FANCA: variants seen among roughly 807,000 people sequenced by gnomAD.
FANCA encodes Fanconi anemia group A protein.
In FANCA, 236 loss-of-function variants were observed where a neutral mutation model predicts 194.3. The observed-to-expected ratio is 1.21, with a 90% CI of 1.09 to 1.35. The LOEUF is 1.35. Among genes scored for constraint, FANCA ranks in the 40% most tolerant of loss-of-function variants. The probability of loss-of-function intolerance (pLI) is 0.00; values close to 1 mark genes in which losing one functional copy is unlikely to be tolerated. For synonymous variants in FANCA, 1,014 were observed against 715.8 expected (o/e 1.42, Z -6.65); for missense variants, 2,628 against 1,813.9 (o/e 1.45, Z -8.15).
At position 89,810,818 on chromosome 16, in the gene FANCA, A is replaced by C; in HGVS notation, c.427-16T>G. 6.2e-7 allele frequency: 1 copy of C among 1,612,030 alleles called. No individual in the cohort carries two copies. The highest frequency in any genetic ancestry group is 8.5e-7 in the Non-Finnish European group (1 of 1,178,040). ...ACAGCTTCTTCTGAAAAGAGAGATT[A>C]CATTTTTTAAAAAACAAATTACCTG... On this transcript the variant is annotated splice_polypyrimidine_tract_variant and intron_variant, in intron 4 of 42. Transcript: ENST00000389301.
intron 6 of FANCA, among the ~76,000 whole-genome samples, chr16:89,806,284 T>G (rs985844261): frequency 6.6e-6 from 1 of 151,830 alleles, no homozygotes; most frequent in South Asian, 2.1e-4. Flanking sequence ...CTGCTACTAC[T>G]GGGTAGAGTG....
At position 89,746,651 on chromosome 16, in the gene FANCA, G is replaced by T; in HGVS notation, c.3446C>A (p.Ser1149Tyr). Residue 1149 changes from serine (S) to tyrosine (Y), a missense_variant, in exon 35 of 43, where the codon TCC becomes TAC. Ser to Tyr is a moderately radical substitution (Grantham distance 144, BLOSUM62 -2). Transcript: ENST00000389301. Reference protein sequence around the residue: ...LNACLRSRDPSLMVDFILAKC... With the variant: ...LNACLRSRDPYLMVDFILAKC... ...GGCCAGTATGAAGTCGACCATCAGG[G>T]AGGGGTCTCTGCTCCGCAGACAGGC... 6.2e-7 allele frequency: 1 copy of T among 1,614,168 alleles called. No homozygotes were observed. The highest frequency in any genetic ancestry group is 8.5e-7 in the Non-Finnish European group (1 of 1,180,026).
rs575076425 is a variant in FANCA, at chr16:89,763,557, A to G, written c.2778+1333T>C. Among the ~76,000 whole-genome samples, 13 of 152,266 alleles carry G rather than the reference A, an allele frequency of 8.5e-5. No homozygotes were observed. The South Asian group carries it at 2.1e-3, about 24-fold the overall frequency. On this transcript the variant is annotated intron_variant, in intron 28 of 42. Transcript: ENST00000389301. ...ATCAGTACCAAGGCACACTGGTGAG[A>G]GCAATGCCAGCTCCAGTAACCAGGC...
chr16:89,807,083 T>C (rs1178965209), intron 6 of FANCA, among the ~76,000 whole-genome samples: 1 of 152,212 alleles, frequency 6.6e-6, no homozygotes, highest in African/African-American at 2.4e-5. Context: ...CCTCTAATGA[T>C]TATTGCTGAA....
intron 2 of FANCA, 144 bp downstream of exon 2, chr16:89,815,732 TC>T: frequency 1.4e-6 from 1 of 730,232 alleles, no homozygotes; most frequent in Non-Finnish European, 2.5e-6. Context: ...GGTCCAGAAC[TC>T]CCGGGCTCAG....
intron 8 of FANCA, among the ~76,000 whole-genome samples, chr16:89,800,272 T>G (rs964688953): frequency 6.6e-6 from 1 of 152,240 alleles, no homozygotes; most frequent in African/African-American, 2.4e-5. Context: ...CCTTGATGCC[T>G]CTGGAGCCAG....
At chr16:89,798,243 C>G (rs1364211659) in intron 10 of FANCA, 2 of 714,962 alleles carry the variant, frequency 2.8e-6, no homozygotes, top group East Asian at 1.6e-4. Flanking sequence ...CTAGGGGCAC[C>G]CTGACCTCCA....
intron 29 of FANCA, 71 bp from the exon 30 acceptor site, chr16:89,758,776 T>C: frequency 2.5e-6 from 4 of 1,598,018 alleles, no homozygotes; most frequent in Non-Finnish European, 3.4e-6. Context: ...AACCAGGGAA[T>C]AGGCCCATAG....
At chr16:89,802,710 CTTTTT>C (rs989381683) in intron 8 of FANCA, among the ~76,000 whole-genome samples, 2 of 151,598 alleles carry the variant, frequency 1.3e-5, no homozygotes, top group Non-Finnish European at 2.9e-5. Context: ...GCCAGCTATT[CTTTTT>C]TTTTAAAGTG....
chr16:89,772,927 G>C (rs957061051), intron 22 of FANCA, among the ~76,000 whole-genome samples: 3 of 152,186 alleles, frequency 2.0e-5, no homozygotes, highest in Admixed American at 1.3e-4. Flanking sequence ...ACAGGGCAGA[G>C]ACCCTGTGTG....
In FANCA at chr16:89,816,578, T is replaced by G. The variant is rs1264855885; in HGVS notation, c.38A>C (p.Gln13Pro). The G allele has an allele frequency of 1.3e-6, 2 of 1,524,468 alleles. No homozygotes were observed. Among genetic ancestry groups the G allele is most frequent in the Non-Finnish European group, 1.7e-6 (2 of 1,144,132 alleles). 94.4% of individuals were successfully genotyped at this position (1,524,468 alleles called of 1,614,324 possible). The change falls in exon 1 of 43, where the codon CAG (glutamine) becomes CCG (proline). Residue 13 changes from glutamine (Q) to proline (P), a missense_variant. Gln to Pro is a moderately conservative substitution (Grantham distance 76, BLOSUM62 -1). Transcript: ENST00000389301. ...GGCCCTCCGGCGGCCCCCTGGGTCC[T>G]GGCCCGAGGCGGAGTTCGGGACCCA... The part of the protein sequence containing the change: ...DSWVPNSASG[Q>P]DPGGRRRAWA...
In FANCA at chr16:89,739,109, G is replaced by A. The variant is rs754048546; in HGVS notation, c.4167+24C>T. On this transcript the variant is annotated intron_variant, in intron 41 of 42. Coordinates refer to ENST00000389301, the MANE Select transcript of FANCA (RefSeq NM_000135.4). ...TCCGGCTGGGGGGAGCTCCCCTGGA[G>A]GTGGGACTGGCCCTTGCACCTGCCT... 3.7e-6 allele frequency: 6 copies of A among 1,614,014 alleles called. No homozygotes were observed. In the South Asian group the frequency reaches 6.6e-5, roughly 18 times the overall value.
At chr16:89,792,421 A>T in intron 12 of FANCA, 50 bp downstream of exon 12, 1 of 1,568,926 alleles carries the variant, frequency 6.4e-7, no homozygotes, top group Non-Finnish European at 8.8e-7. Context: ...GGCAGATCTT[A>T]ATCCCCCCGC....
intron 30 of FANCA, among the ~76,000 whole-genome samples, chr16:89,753,718 G>A (rs562581040): frequency 6.6e-6 from 1 of 152,196 alleles, no homozygotes; most frequent in South Asian, 2.1e-4. Flanking sequence ...GGGCAACAAG[G>A]ATGTCCTCTC....
At chr16:89,791,258 G>A in intron 14 of FANCA, 145 bp downstream of exon 14, 3 of 1,080,584 alleles carry the variant, frequency 2.8e-6, no homozygotes, top group Non-Finnish European at 2.7e-6. Flanking sequence ...CACACGCAGA[G>A]GAAGATCTGC....
In FANCA at chr16:89,778,811, A is replaced by C. The variant is rs770164503; in HGVS notation, c.1816T>G (p.Ser606Ala). 1 of 1,613,966 alleles carries C rather than the reference A, an allele frequency of 6.2e-7. No individual in the cohort carries two copies. Among genetic ancestry groups the C allele is most frequent in the East Asian group, 2.2e-5 (1 of 44,874 alleles). Residue 606 changes from serine (S) to alanine (A), a missense_variant, in exon 20 of 43, where the codon TCT (serine) becomes GCT (alanine). Transcript: ENST00000389301. ...ACCGTTGCTGCATACCTCTTCAGAG[A>C]CTCTATAAACGCCACACGGGAGTCA... ...VPDSRVAFIE[S>A]LKRADKIPPS... is the part of the protein sequence containing the mutation.
chr16:89,783,514 G>C (rs1231879630), intron 15 of FANCA, among the ~76,000 whole-genome samples: 18 of 150,630 alleles, frequency 1.2e-4, no homozygotes, highest in Admixed American at 1.2e-3. Context: ...TCGCGCCACT[G>C]CACTCCAGCC....
intron 17 of FANCA, 148 bp downstream of exon 17, chr16:89,782,711 C>T (rs1350445132): frequency 5.7e-6 from 4 of 704,440 alleles, no homozygotes; most frequent in Admixed American, 2.1e-5. Context: ...CACAGAGGCC[C>T]GCAGAGCCTC....
At chr16:89,770,372 A>C (rs1388438119) in intron 24 of FANCA, 113 bp from the exon 25 acceptor site, 3 of 1,139,988 alleles carry the variant, frequency 2.6e-6, no homozygotes, top group Non-Finnish European at 3.9e-6. Flanking sequence ...TCCCCAAAAC[A>C]GTGGTCTTTC....
Sources: gnomAD v4.1 joint callset for allele counts (sites outside exome capture counted in the v4.1 genomes callset) on GRCh38, gnomAD v4.1.1 for gene constraint, MANE v1.5 for transcripts, NCBI Gene and HGNC (gene_info 2026-07-23, HGNC 2026-07-21) for gene names.